Variants in MAML2 observed in about 807,000 individuals in gnomAD.
MAML2 encodes the protein mastermind-like protein 2.
Under a neutral mutation model 96.1 loss-of-function variants are expected in MAML2, and 22 were observed. The observed-to-expected ratio is 0.23, with a 90% CI of 0.16 to 0.33. MAML2 has a LOEUF of 0.33. Ranked by LOEUF, MAML2 falls within the 10% of genes least tolerant of loss-of-function variation. The pLI is 1.00. For missense variants in MAML2, 1,367 were observed against 1,392.4 expected (o/e 0.98, Z 0.29); for synonymous variants, 561 against 521.3 (o/e 1.08, Z -1.04).
intron 1 of MAML2, among the ~76,000 whole-genome samples, chr11:96,266,033 C>T (rs1474387122): frequency 1.3e-5 from 2 of 152,178 alleles, no homozygotes; most frequent in Non-Finnish European, 2.9e-5. Context: ...ACTAAAAGAG[C>T]ACCCTGTAAC....
chr11:96,218,033 C>T (rs555404297), intron 1 of MAML2, among the ~76,000 whole-genome samples: 2 of 152,218 alleles, frequency 1.3e-5, no homozygotes, highest in African/African-American at 4.8e-5. Flanking sequence ...AAGTACATTT[C>T]TCTGCAGAAT....
chr11:96,326,094 G>GCCC (rs113693304), intron 1 of MAML2, among the ~76,000 whole-genome samples: 45 of 61,926 alleles, frequency 7.3e-4, no homozygotes, highest in Non-Finnish European at 9.0e-4. Context: ...TGTCTACCCC[G>GCCC]CCCCCCCCCC....
intron 1 of MAML2, among the ~76,000 whole-genome samples, chr11:96,235,784 C>T (rs1400107110): frequency 2.6e-5 from 4 of 152,210 alleles, no homozygotes; most frequent in Non-Finnish European, 4.4e-5. Flanking sequence ...CAGGGTTTTA[C>T]ACTGAAACAC....
intron 1 of MAML2, among the ~76,000 whole-genome samples, chr11:96,221,793 G>A (rs1043213639): frequency 6.9e-6 from 1 of 144,258 alleles, no homozygotes; most frequent in Non-Finnish European, 1.5e-5. Flanking sequence ...CAGCTAAAAT[G>A]TTGCCACATT....
At position 96,105,874 on chromosome 11, in the gene MAML2, G is replaced by GAA. The variant is rs34049583; in HGVS notation, c.514-12359_514-12358dup. Among the ~76,000 whole-genome samples the GAA allele has an allele frequency of 5.4e-3, 802 of 147,658 alleles. 13 individuals carry two copies. The highest frequency in any genetic ancestry group is 0.018 in the African/African-American group (704 of 40,208). ...TTTACTAAGATATTTGGTTATAATG[G>GAA]AAAAAAAAAAACCAAAACCTACACT... On this transcript the variant is annotated intron_variant, in intron 1 of 4. Transcript: ENST00000524717.
intron 2 of MAML2, among the ~76,000 whole-genome samples, chr11:96,048,781 AT>A (rs989048760): frequency 2.4e-4 from 37 of 152,112 alleles, no homozygotes; most frequent in South Asian, 6.2e-4. Context: ...ACATTTCTAT[AT>A]TTTTTCCATC....
chr11:96,197,220 A>C (rs1217105116), intron 1 of MAML2, among the ~76,000 whole-genome samples: 1 of 152,222 alleles, frequency 6.6e-6, no homozygotes, highest in African/African-American at 2.4e-5. Flanking sequence ...TGAAAACCAA[A>C]GAAGATTTAT....
At position 96,137,144 on chromosome 11, in the gene MAML2, A is replaced by G. The variant is rs572260357; in HGVS notation, c.514-43627T>C. 2.0e-5 allele frequency among the ~76,000 whole-genome samples: 3 copies of G among 152,344 alleles called. No homozygotes were observed. In the South Asian group the frequency reaches 6.2e-4, roughly 32 times the overall value. On this transcript the variant is annotated intron_variant, in intron 1 of 4. Transcript: ENST00000524717. ...GAAAACTGTAAGTGGAAACCGGGTT[A>G]AAAGGGAAGGAAATGTTGCATGCAC... is the stretch of plus-strand genomic sequence containing the variant.
chr11:96,303,593 T>C (rs1177713319), intron 1 of MAML2, among the ~76,000 whole-genome samples: 1 of 152,224 alleles, frequency 6.6e-6, no homozygotes, highest in Admixed American at 6.5e-5. Context: ...AGGTCTATTT[T>C]CCTTTCCTCC....
intron 1 of MAML2, among the ~76,000 whole-genome samples, chr11:96,125,029 A>G (rs1005348113): frequency 1.3e-5 from 2 of 152,126 alleles, no homozygotes; most frequent in African/African-American, 4.8e-5. Flanking sequence ...CATGAGAGTC[A>G]TTTTATTATT....
At chr11:96,128,829 C>A (rs1860495826) in intron 1 of MAML2, among the ~76,000 whole-genome samples, 1 of 152,202 alleles carries the variant, frequency 6.6e-6, no homozygotes, top group South Asian at 2.1e-4. Context: ...AAATGTAAAT[C>A]TGTCAACTCA....
At chr11:96,315,424 A>C (rs543318553) in intron 1 of MAML2, among the ~76,000 whole-genome samples, 7 of 152,294 alleles carry the variant, frequency 4.6e-5, no homozygotes, top group Non-Finnish European at 8.8e-5. Context: ...TCTTGGGCTG[A>C]TTTTCCTATA....
chr11:96,257,464 A>G (rs1011604352), intron 1 of MAML2, among the ~76,000 whole-genome samples: 2 of 152,260 alleles, frequency 1.3e-5, no homozygotes, highest in African/African-American at 4.8e-5. Context: ...ATGCATAGGC[A>G]TGTTAGGCAT....
chr11:96,325,283 TA>T (rs1837807662), intron 1 of MAML2, among the ~76,000 whole-genome samples: 1 of 152,174 alleles, frequency 6.6e-6, no homozygotes, highest in Non-Finnish European at 1.5e-5. Context: ...TGATGCTTAC[TA>T]GTGGAGTTAG....
chr11:96,325,806 A>T (rs1257974199), intron 1 of MAML2, among the ~76,000 whole-genome samples: 1 of 152,194 alleles, frequency 6.6e-6, no homozygotes, highest in South Asian at 2.1e-4. Flanking sequence ...CGGAATCAAC[A>T]TTTCACACAG....
chr11:96,175,385 A>G (rs1861369003), intron 1 of MAML2, among the ~76,000 whole-genome samples: 1 of 152,238 alleles, frequency 6.6e-6, no homozygotes. Flanking sequence ...TATGATGTGC[A>G]AAGCAAACCA....
chr11:96,016,812 A>T (rs1858359860), intron 2 of MAML2, among the ~76,000 whole-genome samples: 1 of 152,174 alleles, frequency 6.6e-6, no homozygotes, highest in Non-Finnish European at 1.5e-5. Flanking sequence ...GTGCTTTCGG[A>T]TTGTGTTCTA....
chr11:96,224,102 T>C (rs1862178836), intron 1 of MAML2, among the ~76,000 whole-genome samples: 1 of 152,208 alleles, frequency 6.6e-6, no homozygotes. Context: ...TTCAACTATT[T>C]AAGCCTCAGT....
intron 2 of MAML2, among the ~76,000 whole-genome samples, chr11:96,076,420 T>C (rs542787946): frequency 1.2e-5 from 1 of 84,162 alleles, no homozygotes; most frequent in Non-Finnish European, 2.4e-5. Flanking sequence ...CTCTTTTGTC[T>C]CTCTCTCTCT....
Sources: allele counts gnomAD v4.1 joint callset (sites outside exome capture counted in the v4.1 genomes callset), GRCh38; gene constraint gnomAD v4.1.1; transcripts MANE v1.5; gene names NCBI Gene and HGNC (gene_info 2026-07-23, HGNC 2026-07-21).